The following TMEM207 variants were observed in gnomAD, a reference collection of about 807,000 sequenced individuals.
The protein encoded by TMEM207 is SRSR846.
In TMEM207, 15 loss-of-function variants were observed where a neutral mutation model predicts 17.4. The observed-to-expected ratio is 0.86, with a 90% CI of 0.58 to 1.33. The LOEUF is 1.33. Among genes scored for constraint, TMEM207 ranks in the 40% most tolerant of loss-of-function variants. The pLI, the probability that TMEM207 is intolerant of heterozygous loss-of-function variation, is 0.00. For missense variants in TMEM207, 205 were observed against 173.8 expected (o/e 1.18, Z -1.01); for synonymous variants, 70 against 65.6 (o/e 1.07, Z -0.33).
chr3:190,429,908 AG>A (rs5855335), intron 4 of TMEM207, among the ~76,000 whole-genome samples, 177 bp from the exon 5 acceptor site: 40,802 of 143,698 alleles, frequency 0.28, 6,869 homozygotes, highest in African/African-American at 0.49. Flanking sequence ...TAGTCACCAC[AG>A]GGGGGAAAAA....
At chr3:190,439,956 G>C (rs991349303) in intron 4 of TMEM207, among the ~76,000 whole-genome samples, 1 of 152,178 alleles carries the variant, frequency 6.6e-6, no homozygotes, top group Non-Finnish European at 1.5e-5. Flanking sequence ...CACCTGGACT[G>C]CCCAGCCCTG....
chr3:190,435,557 G>T (rs1719787173), intron 4 of TMEM207, among the ~76,000 whole-genome samples: 1 of 152,180 alleles, frequency 6.6e-6, no homozygotes, highest in African/African-American at 2.4e-5. Flanking sequence ...GAAGGGTAAA[G>T]ATCTTCCTAA....
intron 4 of TMEM207, among the ~76,000 whole-genome samples, chr3:190,434,771 C>T (rs1247829156): frequency 2.0e-5 from 3 of 152,086 alleles, no homozygotes; most frequent in Non-Finnish European, 4.4e-5. Context: ...GGTCATTGAG[C>T]GGACGCTCTC....
intron 1 of TMEM207, among the ~76,000 whole-genome samples, chr3:190,448,151 T>G (rs1720090318): frequency 6.6e-6 from 1 of 152,162 alleles, no homozygotes; most frequent in Non-Finnish European, 1.5e-5. Flanking sequence ...CACTTTGCAT[T>G]TTTTGTTTTC....
At chr3:190,437,287 G>A (rs954079570) in intron 4 of TMEM207, among the ~76,000 whole-genome samples, 1 of 152,212 alleles carries the variant, frequency 6.6e-6, no homozygotes, top group African/African-American at 2.4e-5. Flanking sequence ...GCTGGGCTGT[G>A]AGTGACCAGC....
chr3:190,441,166 T>C (rs193244752), intron 3 of TMEM207, among the ~76,000 whole-genome samples: 24 of 152,324 alleles, frequency 1.6e-4, no homozygotes, highest in African/African-American at 5.3e-4. Flanking sequence ...GAGGGTCATT[T>C]AGGGAGATTT....
Position 190,429,524 on chromosome 3 carries a change from C to G in TMEM207, c.*71G>C. The G allele has an allele frequency of 6.4e-7, 1 of 1,564,938 alleles. No individual in the cohort carries two copies. Among genetic ancestry groups the G allele is most frequent in the Non-Finnish European group, 8.8e-7 (1 of 1,140,386 alleles). ...TGGACATTTCCAACAACTGAAATAACTATTCCTAAATTTGATGTTTTGGAA... is the reference window on the plus strand; with the variant it reads ...TGGACATTTCCAACAACTGAAATAAGTATTCCTAAATTTGATGTTTTGGAA... On this transcript the variant is annotated 3_prime_UTR_variant, in exon 5 of 5. Coordinates refer to ENST00000354905, the MANE Select transcript of TMEM207 (RefSeq NM_207316.3).
chr3:190,431,866 G>A (rs528200518), intron 4 of TMEM207, among the ~76,000 whole-genome samples: 1 of 152,086 alleles, frequency 6.6e-6, no homozygotes, highest in Non-Finnish European at 1.5e-5. Context: ...AAATTTTGCT[G>A]TTGATCTTAA....
intron 4 of TMEM207, among the ~76,000 whole-genome samples, chr3:190,439,125 G>A (rs373225719): frequency 4.1e-5 from 6 of 145,238 alleles, no homozygotes; most frequent in Non-Finnish European, 8.9e-5. Context: ...TGCAGTGAGC[G>A]GAGATCGCGC....
intron 3 of TMEM207, among the ~76,000 whole-genome samples, chr3:190,441,049 A>C (rs1176331248): frequency 1.3e-5 from 2 of 152,136 alleles, no homozygotes; most frequent in African/African-American, 4.8e-5. Flanking sequence ...AGCCTGGGCG[A>C]CAGAGCAAAA....
intron 4 of TMEM207, 92 bp from the exon 5 acceptor site, chr3:190,429,823 T>C: frequency 7.3e-7 from 1 of 1,374,738 alleles, no homozygotes; most frequent in South Asian, 1.7e-5. Context: ...ATTGCTTGGA[T>C]CGCTGAAGCA....
At chr3:190,441,160 G>A (rs1719928947) in intron 3 of TMEM207, among the ~76,000 whole-genome samples, 1 of 152,156 alleles carries the variant, frequency 6.6e-6, no homozygotes, top group South Asian at 2.1e-4. Context: ...TCAGTGGAGG[G>A]TCATTTAGGG....
intron 4 of TMEM207, among the ~76,000 whole-genome samples, chr3:190,438,566 ATATACT>A (rs775737487): frequency 1.3e-5 from 2 of 152,224 alleles, no homozygotes; most frequent in Non-Finnish European, 2.9e-5. Flanking sequence ...TAGCTTAATA[ATATACT>A]TAAAATTAAA....
At chr3:190,443,833 T>C (rs1358909699) in intron 2 of TMEM207, among the ~76,000 whole-genome samples, 1 of 152,212 alleles carries the variant, frequency 6.6e-6, no homozygotes, top group Admixed American at 6.5e-5. Flanking sequence ...CAAATTGGTA[T>C]GATTATGGTA....
chr3:190,434,328 G>T (rs1195893563), intron 4 of TMEM207, among the ~76,000 whole-genome samples: 1 of 152,136 alleles, frequency 6.6e-6, no homozygotes. Flanking sequence ...GTGGTGGGGT[G>T]GTTTCCTCCA....
chr3:190,445,408 G>A (rs140769720), intron 2 of TMEM207, among the ~76,000 whole-genome samples: 9 of 152,300 alleles, frequency 5.9e-5, no homozygotes, highest in African/African-American at 2.2e-4. Context: ...TACAAAGACA[G>A]CACAGCAAAG....
chr3:190,433,575 G>A (rs2108532169), intron 4 of TMEM207, among the ~76,000 whole-genome samples: 1 of 152,232 alleles, frequency 6.6e-6, no homozygotes, highest in African/African-American at 2.4e-5. Flanking sequence ...GTCATGTGAA[G>A]ATTTTGAGGA....
chr3:190,439,810 A>T (rs1383899641), intron 4 of TMEM207, among the ~76,000 whole-genome samples: 2 of 152,208 alleles, frequency 1.3e-5, no homozygotes, highest in African/African-American at 4.8e-5. Flanking sequence ...AGACATCTGG[A>T]AAGTGTCGTT....
intron 4 of TMEM207, among the ~76,000 whole-genome samples, chr3:190,432,780 A>G (rs1022350955): frequency 2.0e-5 from 3 of 152,112 alleles, no homozygotes; most frequent in Non-Finnish European, 2.9e-5. Flanking sequence ...CAGTATTTCT[A>G]TTTTCCCAGA....
Sources: allele counts gnomAD v4.1 joint callset (sites outside exome capture counted in the v4.1 genomes callset), GRCh38; gene constraint gnomAD v4.1.1; transcripts MANE v1.5; gene names NCBI Gene and HGNC (gene_info 2026-07-23, HGNC 2026-07-21).